Variants in BNC2 observed in about 807,000 individuals in gnomAD.
BNC2 encodes basonuclin zinc finger protein 2.
In BNC2, 20 loss-of-function variants were observed where a neutral mutation model predicts 76.3. The observed-to-expected ratio is 0.26, with a 90% CI of 0.18 to 0.38. BNC2 has a LOEUF of 0.38. Among genes scored for constraint, BNC2 ranks in the 10% least tolerant of loss-of-function variants. The pLI is 1.00. For synonymous variants in BNC2, 582 were observed against 514.8 expected (o/e 1.13, Z -1.77); for missense variants, 1,382 against 1,399.8 (o/e 0.99, Z 0.20).
intron 1 of BNC2, among the ~76,000 whole-genome samples, chr9:16,774,378 A>G (rs1189398703): frequency 2.0e-5 from 3 of 152,246 alleles, no homozygotes; most frequent in African/African-American, 7.2e-5. Context: ...CTGATGAACC[A>G]AATGCATCCA....
At chr9:16,529,041 C>T (rs924334321) in intron 5 of BNC2, among the ~76,000 whole-genome samples, 1 of 152,158 alleles carries the variant, frequency 6.6e-6, no homozygotes, top group Non-Finnish European at 1.5e-5. Flanking sequence ...GGCTCTGCCG[C>T]CATCTTTACC....
intron 5 of BNC2, among the ~76,000 whole-genome samples, chr9:16,529,378 T>C (rs1466566449): frequency 6.6e-6 from 1 of 152,146 alleles, no homozygotes; most frequent in African/African-American, 2.4e-5. Flanking sequence ...GTGCCACAGA[T>C]ACATGATAAT....
intron 1 of BNC2, among the ~76,000 whole-genome samples, chr9:16,802,580 G>GAGAGACAACTCCTAGAGT (rs1817811150): frequency 6.6e-6 from 1 of 152,206 alleles, no homozygotes. Context: ...GTTTATACAA[G>GAGAGACAACTCCTAGAGT]AGAGACAACT....
chr9:16,656,957 C>G (rs1269703707), intron 3 of BNC2, among the ~76,000 whole-genome samples: 5 of 152,150 alleles, frequency 3.3e-5, no homozygotes, highest in Admixed American at 6.5e-5. Context: ...CAAGTCTAAG[C>G]TGACTTTCTG....
At chr9:16,797,177 T>G (rs1317038966) in intron 1 of BNC2, among the ~76,000 whole-genome samples, 1 of 152,004 alleles carries the variant, frequency 6.6e-6, no homozygotes, top group Non-Finnish European at 1.5e-5. Context: ...CTTCTCTAAA[T>G]CCCATAAGGT....
chr9:16,413,075 G>A lies in BNC2; in HGVS notation c.*5914C>T, dbSNP rs1474611070. 2.6e-5 allele frequency: 4 copies of A among 152,598 alleles called. No individual in the cohort carries two copies. Among genetic ancestry groups the A allele is most frequent in the African/African-American group, 9.7e-5 (4 of 41,442 alleles). 9.5% of individuals were successfully genotyped at this position (152,598 alleles called of 1,614,324 possible). On this transcript the variant is annotated 3_prime_UTR_variant, in exon 7 of 7. Coordinates refer to ENST00000380672, the MANE Select transcript of BNC2 (RefSeq NM_017637.6). ...GTATGTTATTAGAAAGATACGAGGTGAAATTGAACTGAAGCTTCTTGCTGC... is the reference window on the plus strand; with the variant it reads ...GTATGTTATTAGAAAGATACGAGGTAAAATTGAACTGAAGCTTCTTGCTGC...
chr9:16,774,463 G>C lies in BNC2; in HGVS notation c.4-35978C>G, dbSNP rs376305461. Among the ~76,000 whole-genome samples, 209 of 152,218 alleles carry C rather than the reference G, an allele frequency of 1.4e-3. 1 individual carries two copies. The highest frequency in any genetic ancestry group is 5.0e-3 in the African/African-American group (207 of 41,520). ...CTGGGCTCAACCTTACATTCTATCA[G>C]GCCTGACATACAGACCATAGCTTGT... On this transcript the variant is annotated intron_variant, in intron 1 of 6. Transcript: ENST00000380672.
At position 16,614,463 on chromosome 9, in the gene BNC2, G is replaced by GAA. The variant is rs57842578; in HGVS notation, c.331-31380_331-31379dup. Among the ~76,000 whole-genome samples, 219 of 145,958 alleles carry GAA rather than the reference G, an allele frequency of 1.5e-3. 1 individual carries two copies. The highest frequency in any genetic ancestry group is 9.0e-3 in the South Asian group (42 of 4,652). On this transcript the variant is annotated intron_variant, in intron 3 of 6. Transcript: ENST00000380672. ...AAACCACTTGGAAAAACCTTTTCTT[G>GAA]AAAAAAAAAAAAATCCAAAAAACTC...
intron 3 of BNC2, among the ~76,000 whole-genome samples, chr9:16,639,286 G>A (rs1401173206): frequency 2.0e-5 from 3 of 152,018 alleles, no homozygotes; most frequent in Non-Finnish European, 2.9e-5. Context: ...TCTCTGTTAA[G>A]CAATGGAAAA....
At chr9:16,682,867 G>C (rs1046136553) in intron 3 of BNC2, among the ~76,000 whole-genome samples, 2 of 152,132 alleles carry the variant, frequency 1.3e-5, no homozygotes. Flanking sequence ...AACTAACAAA[G>C]TAACTTTTCT....
rs557183298 is a variant in BNC2 at position 16,582,120 on chromosome 9, T to C, written c.433+863A>G. Among the ~76,000 whole-genome samples, 6 of 152,276 alleles carry C rather than the reference T, an allele frequency of 3.9e-5. No homozygotes were observed. In the East Asian group the frequency reaches 1.2e-3, roughly 29 times the overall value. ...CTTGGGAATGAAGAATATGTCCACTTAAGAGGCAATACCCGGGGCTGTCAA... is the reference window on the plus strand; with the variant it reads ...CTTGGGAATGAAGAATATGTCCACTCAAGAGGCAATACCCGGGGCTGTCAA... On this transcript the variant is annotated intron_variant, in intron 4 of 6. Transcript: ENST00000380672.
At chr9:16,461,178 T>C (rs1458785046) in intron 5 of BNC2, among the ~76,000 whole-genome samples, 1 of 152,194 alleles carries the variant, frequency 6.6e-6, no homozygotes, top group Non-Finnish European at 1.5e-5. Flanking sequence ...CGGAACATTT[T>C]ACATGTGAAT....
chr9:16,454,498 C>G lies in BNC2; in HGVS notation c.670-16974G>C, dbSNP rs1029272049. On this transcript the variant is annotated intron_variant, in intron 5 of 6. Coordinates refer to ENST00000380672, the MANE Select transcript of BNC2 (RefSeq NM_017637.6). ...TATTTTAGTTGTACAGAGATGGGAT[C>G]TCATTATGTTGCCTAGGCTGGTCTT... Among the ~76,000 whole-genome samples the G allele has an allele frequency of 1.1e-4, 17 of 152,104 alleles. 1 individual carries two copies. The highest frequency in any genetic ancestry group is 4.4e-5 in the Non-Finnish European group (3 of 68,022).
At chr9:16,833,079 C>T (rs1818620523) in intron 1 of BNC2, among the ~76,000 whole-genome samples, 1 of 150,912 alleles carries the variant, frequency 6.6e-6, no homozygotes, top group African/African-American at 2.4e-5. Context: ...AATCAATTCA[C>T]CCAATGTTGC....
intron 3 of BNC2, among the ~76,000 whole-genome samples, chr9:16,607,281 A>C (rs150975693): frequency 1.3e-5 from 2 of 152,320 alleles, no homozygotes; most frequent in Admixed American, 6.5e-5. Flanking sequence ...TGATAAAAGT[A>C]ATGCAAAACC....
At position 16,728,447 on chromosome 9, in the gene BNC2, C is replaced by T. The variant is rs138984649; in HGVS notation, c.130-450G>A. Among the ~76,000 whole-genome samples the T allele has an allele frequency of 4.7e-3, 717 of 152,240 alleles. 2 individuals are homozygous for T. Among genetic ancestry groups the T allele is most frequent in the African/African-American group, 0.016 (679 of 41,540 alleles). ...GGGCAAGGGGAAGCTAGGGCCCTTC[C>T]CCGGGAATTTTTCTCAACAATGCTT... On this transcript the variant is annotated intron_variant, in intron 2 of 6. Coordinates refer to ENST00000380672, the MANE Select transcript of BNC2 (RefSeq NM_017637.6).
chr9:16,839,834 A>G (rs1480318513), intron 1 of BNC2, among the ~76,000 whole-genome samples: 1 of 152,210 alleles, frequency 6.6e-6, no homozygotes, highest in Non-Finnish European at 1.5e-5. Context: ...TAGTCAACCA[A>G]TGCGGTGTGG....
chr9:16,752,862 G>A (rs914642171), intron 1 of BNC2, among the ~76,000 whole-genome samples: 1 of 152,168 alleles, frequency 6.6e-6, no homozygotes, highest in African/African-American at 2.4e-5. Context: ...GAAAAAGGGA[G>A]AGAAAATCTG....
At chr9:16,632,447 T>G (rs1411963083) in intron 3 of BNC2, among the ~76,000 whole-genome samples, 2 of 151,970 alleles carry the variant, frequency 1.3e-5, no homozygotes, top group Non-Finnish European at 2.9e-5. Flanking sequence ...AAAATCTGTG[T>G]ATGTAAAAGC....
Sources: allele counts gnomAD v4.1 joint callset (sites outside exome capture counted in the v4.1 genomes callset), GRCh38; gene constraint gnomAD v4.1.1; transcripts MANE v1.5; gene names NCBI Gene and HGNC (gene_info 2026-07-23, HGNC 2026-07-21).